The following EBF3 variants were observed in gnomAD, a reference collection of about 807,000 sequenced individuals.
The protein encoded by EBF3 is transcription factor COE3.
In EBF3, 18 loss-of-function variants were observed where a neutral mutation model predicts 77.1. That is an observed-to-expected ratio of 0.23 (90% CI 0.16 to 0.35). The LOEUF is 0.35. EBF3 is among the 10% of genes least tolerant of loss of function. The pLI is 1.00. For missense variants in EBF3, 558 were observed against 860.0 expected (o/e 0.65, Z 4.39); for synonymous variants, 350 against 343.5 (o/e 1.02, Z -0.21).
At chr10:129,941,345 C>G (rs72837188) in intron 6 of EBF3, among the ~76,000 whole-genome samples, 6,264 of 152,318 alleles carry the variant, frequency 0.041, 166 homozygotes, top group Non-Finnish European at 0.067. Flanking sequence ...CAGGTGGACA[C>G]GTGACAGGGA....
In EBF3 at chr10:129,840,615, C is replaced by T. The variant is rs969751254; in HGVS notation, c.1562-173G>A. On this transcript the variant is annotated intron_variant, in intron 14 of 16. Coordinates refer to ENST00000440978, the MANE Select transcript of EBF3 (RefSeq NM_001375380.1). The stretch of plus-strand genomic sequence containing the variant: ...GCAAGCTCTTTTGCACTGGACTTTC[C>T]CTTCCAATTGAGCAGCCCATTTTGT... Among the ~76,000 whole-genome samples the T allele has an allele frequency of 7.2e-5, 11 of 152,304 alleles. No individual in the cohort carries two copies. The South Asian group carries it at 2.1e-3, about 29-fold the overall frequency.
rs912979684 is a variant in EBF3, at chr10:129,835,815, C to T, written c.*2128G>A. On this transcript the variant is annotated 3_prime_UTR_variant, in exon 17 of 17. Coordinates refer to ENST00000440978, the MANE Select transcript of EBF3 (RefSeq NM_001375380.1). ...GCAGTTTGCAAAATGTTTGCTGTGC[C>T]GTGTCTGCAAAGCACTTAGTGCAAA... 2 of 151,182 alleles carry T rather than the reference C, an allele frequency of 1.3e-5. No individual in the cohort carries two copies. The highest frequency in any genetic ancestry group is 2.4e-5 in the African/African-American group (1 of 40,920). 9.4% of individuals were successfully genotyped at this position (151,182 alleles called of 1,614,324 possible).
chr10:129,852,746 G>T (rs760425026), intron 10 of EBF3, among the ~76,000 whole-genome samples: 2 of 152,206 alleles, frequency 1.3e-5, no homozygotes, highest in South Asian at 2.1e-4. Context: ...AAACATACAC[G>T]TTTGGGGCCA....
chr10:129,936,012 G>A (rs867456905), intron 6 of EBF3, among the ~76,000 whole-genome samples: 1 of 152,182 alleles, frequency 6.6e-6, no homozygotes, highest in Admixed American at 6.5e-5. Flanking sequence ...TGGTGCCCAG[G>A]GCTGCGAGTC....
chr10:129,865,241 C>T (rs1221827584), intron 10 of EBF3, among the ~76,000 whole-genome samples: 2 of 152,234 alleles, frequency 1.3e-5, no homozygotes, highest in Non-Finnish European at 2.9e-5. Flanking sequence ...TTCCCAGGTA[C>T]CTGGGGCCTA....
In EBF3 at chr10:129,964,056, C is replaced by A. The variant is rs1417983494; in HGVS notation, c.-288G>T. On this transcript the variant is annotated 5_prime_UTR_variant, in exon 1 of 17. Transcript: ENST00000440978. This position sits in a 1 kb window ranked among gnomAD's most constrained non-coding sequence, Gnocchi z 4.5. ...GCTTGTTGTTGTTGTTGTTTGCAGGCGCGCTCAACGTGGTGTCATCCTAGC... is the reference window on the plus strand; with the variant it reads ...GCTTGTTGTTGTTGTTGTTTGCAGGAGCGCTCAACGTGGTGTCATCCTAGC... 1.4e-5 allele frequency: 14 copies of A among 985,082 alleles called. No homozygotes were observed. In the South Asian group the frequency reaches 4.7e-4, roughly 33 times the overall value. The allele number at this position is 985,082 out of a possible 1,614,324, so 61.0% of individuals were successfully genotyped here.
Position 129,848,231 on chromosome 10 carries a change from G to A in EBF3, c.1128+161C>T, listed in dbSNP as rs1231044629. ...TTCGCCCACCTCTGAAGCTGGTCAG[G>A]TGCGGGCCCGGGCAGCTCCTCACAC... On this transcript the variant is annotated intron_variant, in intron 11 of 16. Coordinates refer to ENST00000440978, the MANE Select transcript of EBF3 (RefSeq NM_001375380.1). This position sits in a 1 kb window ranked among gnomAD's most constrained non-coding sequence, Gnocchi z 4.4. Among the ~76,000 whole-genome samples, 7 of 152,154 alleles carry A rather than the reference G, an allele frequency of 4.6e-5. No individual in the cohort carries two copies.
rs540591185 is a variant in EBF3, at chr10:129,855,906, G to A, written c.1040-7426C>T. On this transcript the variant is annotated intron_variant, in intron 10 of 16. Transcript: ENST00000440978. Reference sequence around the variant, plus strand: ...ATGGATTTGCACACTTTAAACCAGCGGAAAATCTGCACACAGAGGTAAACA... The same window carrying A: ...ATGGATTTGCACACTTTAAACCAGCAGAAAATCTGCACACAGAGGTAAACA... 4.6e-5 allele frequency among the ~76,000 whole-genome samples: 7 copies of A among 152,306 alleles called. No individual in the cohort carries two copies. In the South Asian group the frequency reaches 1.0e-3, roughly 23 times the overall value.
intron 6 of EBF3, among the ~76,000 whole-genome samples, chr10:129,936,696 C>G (rs1857385332): frequency 7.0e-6 from 1 of 143,484 alleles, no homozygotes; most frequent in African/African-American, 2.6e-5. Context: ...GAACTAGGAG[C>G]TGTGGGGGGA....
At chr10:129,889,650 C>T (rs1165226459) in intron 6 of EBF3, among the ~76,000 whole-genome samples, 1 of 152,166 alleles carries the variant, frequency 6.6e-6, no homozygotes, top group African/African-American at 2.4e-5. Context: ...ATCTTCCGTT[C>T]ACTTTCTAAT....
At chr10:129,960,540 A>AT (rs1313017578) in intron 4 of EBF3, among the ~76,000 whole-genome samples, 1 of 147,724 alleles carries the variant, frequency 6.8e-6, no homozygotes, top group Non-Finnish European at 1.5e-5. Flanking sequence ...TATTTGATTT[A>AT]TTTTTTATTT....
At chr10:129,887,050 T>TGGGTGG (rs1853639587) in intron 6 of EBF3, among the ~76,000 whole-genome samples, 4 of 3,608 alleles carry the variant, frequency 1.1e-3, no homozygotes, top group African/African-American at 3.8e-3. Context: ...GTGGGGGTTG[T>TGGGTGG]GGGCGGGGGG....
intron 6 of EBF3, among the ~76,000 whole-genome samples, chr10:129,934,765 C>A (rs1443794431): frequency 6.6e-6 from 1 of 152,146 alleles, no homozygotes. Flanking sequence ...ACGATTTCCA[C>A]ATTTGGATCT....
intron 6 of EBF3, among the ~76,000 whole-genome samples, chr10:129,899,441 A>T (rs1271968271): frequency 6.6e-6 from 1 of 152,240 alleles, no homozygotes; most frequent in African/African-American, 2.4e-5. Flanking sequence ...ACGGTGAGGC[A>T]GAGGCCGGCG....
intron 10 of EBF3, among the ~76,000 whole-genome samples, chr10:129,851,933 G>A (rs1339700092): frequency 2.0e-5 from 3 of 152,128 alleles, no homozygotes; most frequent in African/African-American, 4.8e-5. Flanking sequence ...GTAGGCTACC[G>A]CGGCCTAATG....
At chr10:129,911,302 C>T (rs1855509021) in intron 6 of EBF3, among the ~76,000 whole-genome samples, 1 of 152,212 alleles carries the variant, frequency 6.6e-6, no homozygotes. Context: ...CTTCTCATCC[C>T]ACAGCCAGCT....
chr10:129,933,310 T>C (rs551807466), intron 6 of EBF3, among the ~76,000 whole-genome samples: 1 of 152,296 alleles, frequency 6.6e-6, no homozygotes, highest in African/African-American at 2.4e-5. Flanking sequence ...TGCTGCGAAT[T>C]ATGCCTGGCA....
intron 10 of EBF3, among the ~76,000 whole-genome samples, chr10:129,850,430 C>T (rs1294940422): frequency 6.6e-6 from 1 of 152,196 alleles, no homozygotes; most frequent in African/African-American, 2.4e-5. Flanking sequence ...TACATGGGCC[C>T]CTTTCACCTC....
At chr10:129,893,076 T>C (rs908220751) in intron 6 of EBF3, among the ~76,000 whole-genome samples, 1 of 152,206 alleles carries the variant, frequency 6.6e-6, no homozygotes, top group African/African-American at 2.4e-5. Flanking sequence ...AATAGTCCTA[T>C]GACAATAATT....
Sources: allele counts gnomAD v4.1 joint callset (sites outside exome capture counted in the v4.1 genomes callset), GRCh38; gene constraint gnomAD v4.1.1; non-coding constraint Gnocchi (gnomAD v3.1); transcripts MANE v1.5; gene names NCBI Gene and HGNC (gene_info 2026-07-23, HGNC 2026-07-21).